The following CCDC85A variants were observed in gnomAD, a reference collection of about 807,000 sequenced individuals.
CCDC85A encodes coiled-coil domain containing 85A, also known as coiled-coil domain-containing protein 85A.
CCDC85A carries 38 observed loss-of-function variants against 50.2 expected under a neutral mutation model. That is an observed-to-expected ratio of 0.76 (90% CI 0.58 to 0.99). CCDC85A has a LOEUF of 0.99. Among genes scored for constraint, CCDC85A ranks in the 50% least tolerant of loss-of-function variants. The pLI is 0.00. For missense variants in CCDC85A, 820 were observed against 742.0 expected (o/e 1.11, Z -1.22); for synonymous variants, 366 against 301.4 (o/e 1.21, Z -2.22).
chr2:56,305,528 C>T (rs989279958), intron 2 of CCDC85A, among the ~76,000 whole-genome samples: 15 of 152,310 alleles, frequency 9.8e-5, no homozygotes, highest in Middle Eastern at 3.4e-3. Flanking sequence ...TAGTATGCAA[C>T]GTCTACTGCC....
intron 2 of CCDC85A, among the ~76,000 whole-genome samples, chr2:56,206,936 A>G (rs1288282351): frequency 6.6e-6 from 1 of 150,728 alleles, no homozygotes; most frequent in South Asian, 2.1e-4. Flanking sequence ...TCTGACTAAT[A>G]TCTTCTGAGT....
At chr2:56,255,659 G>A (rs1480549372) in intron 2 of CCDC85A, among the ~76,000 whole-genome samples, 4 of 152,152 alleles carry the variant, frequency 2.6e-5, no homozygotes, top group Non-Finnish European at 5.9e-5. Flanking sequence ...CCAGGTCATT[G>A]GGCTGGGAAT....
At chr2:56,257,578 G>A (rs1176267258) in intron 2 of CCDC85A, among the ~76,000 whole-genome samples, 1 of 152,124 alleles carries the variant, frequency 6.6e-6, no homozygotes, top group Non-Finnish European at 1.5e-5. Flanking sequence ...ACATCTGGGA[G>A]GAAGGTAGGT....
chr2:56,324,100 C>A (rs976727035), intron 2 of CCDC85A, among the ~76,000 whole-genome samples: 2 of 152,046 alleles, frequency 1.3e-5, no homozygotes, highest in East Asian at 1.9e-4. Context: ...GGACAAACTG[C>A]AAATTAAAAA....
At position 56,193,306 on chromosome 2, in the gene CCDC85A, G is replaced by A. The variant is rs769601998; in HGVS notation, c.1106G>A (p.Ser369Asn). ...PEHLKQHYGG[S>N]PDHKHGGGSG... ...CACCTCAAACAACATTATGGAGGGA[G>A]CCCTGATCACAAACACGGAGGAGGC... The change falls in exon 2 of 6, where the codon AGC becomes AAC. Residue 369 changes from serine to asparagine, a missense_variant. By Grantham distance (46) the Ser-to-Asn change is conservative. Transcript: ENST00000407595. 5 of 1,613,714 alleles carry A rather than the reference G, an allele frequency of 3.1e-6. No homozygotes were observed. Among genetic ancestry groups the A allele is most frequent in the Non-Finnish European group, 4.2e-6 (5 of 1,179,748 alleles).
intron 2 of CCDC85A, among the ~76,000 whole-genome samples, chr2:56,288,794 T>G (rs913814793): frequency 5.0e-4 from 76 of 152,184 alleles, no homozygotes; most frequent in African/African-American, 1.6e-3. Context: ...GCACCAAAAT[T>G]AACACCATTT....
chr2:56,272,014 C>A (rs1670722086), intron 2 of CCDC85A, among the ~76,000 whole-genome samples: 1 of 152,124 alleles, frequency 6.6e-6, no homozygotes, highest in Non-Finnish European at 1.5e-5. Flanking sequence ...GAGGAGTGTT[C>A]ATTTCCAAAT....
intron 3 of CCDC85A, among the ~76,000 whole-genome samples, chr2:56,364,789 T>C (rs895883410): frequency 6.6e-6 from 1 of 152,170 alleles, no homozygotes; most frequent in African/African-American, 2.4e-5. Flanking sequence ...TGCCCTCTAA[T>C]CCATCAATAT....
intron 2 of CCDC85A, among the ~76,000 whole-genome samples, chr2:56,249,226 A>G (rs1428338182): frequency 2.6e-5 from 4 of 152,260 alleles, no homozygotes; most frequent in Non-Finnish European, 4.4e-5. Flanking sequence ...CTATAGGAGC[A>G]GGGCCGCCAG....
intron 2 of CCDC85A, among the ~76,000 whole-genome samples, chr2:56,238,066 C>T (rs1379841970): frequency 1.3e-5 from 2 of 152,110 alleles, no homozygotes; most frequent in Non-Finnish European, 2.9e-5. Context: ...ATCCCTGGTC[C>T]GCCTGACTGT....
chr2:56,273,137 A>G (rs1315028897), intron 2 of CCDC85A, among the ~76,000 whole-genome samples: 1 of 152,194 alleles, frequency 6.6e-6, no homozygotes, highest in Non-Finnish European at 1.5e-5. Flanking sequence ...TTTGGAAGAC[A>G]GTACTCTTAG....
chr2:56,204,334 T>G (rs538449353), intron 2 of CCDC85A, among the ~76,000 whole-genome samples: 33 of 152,360 alleles, frequency 2.2e-4, no homozygotes, highest in African/African-American at 7.9e-4. Context: ...TATAATGAAG[T>G]GTTCAGATTC....
intron 2 of CCDC85A, among the ~76,000 whole-genome samples, chr2:56,315,655 A>G (rs1672888233): frequency 6.6e-6 from 1 of 152,032 alleles, no homozygotes; most frequent in Admixed American, 6.6e-5. Flanking sequence ...GATGGGACTG[A>G]CCCTTACAGG....
At chr2:56,303,183 A>G (rs1036749407) in intron 2 of CCDC85A, among the ~76,000 whole-genome samples, 9 of 152,124 alleles carry the variant, frequency 5.9e-5, no homozygotes, top group African/African-American at 9.7e-5. Context: ...TATGTGCTGT[A>G]CTTGATTCGG....
chr2:56,222,812 A>G (rs1668382965), intron 2 of CCDC85A, among the ~76,000 whole-genome samples: 1 of 152,154 alleles, frequency 6.6e-6, no homozygotes, highest in Non-Finnish European at 1.5e-5. Flanking sequence ...AAATAATGAC[A>G]GTAGGAGGTT....
chr2:56,351,483 TC>T (rs1469247368), intron 3 of CCDC85A, among the ~76,000 whole-genome samples: 1 of 143,214 alleles, frequency 7.0e-6, no homozygotes, highest in African/African-American at 2.7e-5. Flanking sequence ...GTAAAAGTGT[TC>T]CTATTTCTCC....
chr2:56,271,592 C>T (rs1429636197), intron 2 of CCDC85A, among the ~76,000 whole-genome samples: 2 of 152,090 alleles, frequency 1.3e-5, no homozygotes, highest in African/African-American at 4.8e-5. Context: ...TACATTAGGT[C>T]ATTTTGGCTT....
intron 2 of CCDC85A, among the ~76,000 whole-genome samples, chr2:56,266,023 T>C (rs1670423211): frequency 6.6e-6 from 1 of 152,186 alleles, no homozygotes; most frequent in South Asian, 2.1e-4. Context: ...GACATTATGC[T>C]AAGTGAAATA....
chr2:56,257,063 C>G (rs1490989683), intron 2 of CCDC85A, among the ~76,000 whole-genome samples: 2 of 152,176 alleles, frequency 1.3e-5, no homozygotes, highest in African/African-American at 4.8e-5. Flanking sequence ...AACTCACTCT[C>G]CATGGCTCAG....
Sources: allele counts gnomAD v4.1 joint callset (sites outside exome capture counted in the v4.1 genomes callset), GRCh38; gene constraint gnomAD v4.1.1; transcripts MANE v1.5; gene names NCBI Gene and HGNC (gene_info 2026-07-23, HGNC 2026-07-21).